PPCDC: variants seen among roughly 807,000 people sequenced by gnomAD.
The protein encoded by PPCDC is phosphopantothenoylcysteine decarboxylase.
PPCDC carries 20 observed loss-of-function variants against 20.7 expected under a neutral mutation model. The observed-to-expected ratio is 0.97, with a 90% CI of 0.68 to 1.41. PPCDC has a LOEUF of 1.41. PPCDC is among the 40% of genes most tolerant of loss of function. The pLI is 0.00. For synonymous variants in PPCDC, 88 were observed against 100.3 expected, an observed-to-expected ratio of 0.88 and a Z score of 0.73; for missense variants, 246 against 263.8, an observed-to-expected ratio of 0.93 and a Z score of 0.47.
chr15:75,032,733 C>CAA (rs530128059), intron 2 of PPCDC, among the ~76,000 whole-genome samples: 4 of 137,064 alleles, frequency 2.9e-5, no homozygotes, highest in South Asian at 2.7e-4. Context: ...GACCCCCCCC[C>CAA]CCAAGGCCAA....
intron 3 of PPCDC, 116 bp downstream of exon 3, chr15:75,043,652 T>A: frequency 1.1e-6 from 1 of 918,704 alleles, no homozygotes. Context: ...CTCAAGTCTG[T>A]GGTCAGGGCC....
rs899005945 is a variant in PPCDC, at chr15:75,049,379, C to T, written c.*144C>T. 4.2e-5 allele frequency: 32 copies of T among 756,924 alleles called. No homozygotes were observed. The highest frequency in any genetic ancestry group is 5.4e-5 in the Non-Finnish European group (25 of 462,610). The allele number at this position is 756,924 out of a possible 1,614,324, so 46.9% of individuals were successfully genotyped here. ...TGAGCCTGCCCAGGGGCCAGGCCTG[C>T]TCCAGGTTAAACTGGACGGAAGGCC... On this transcript the variant is annotated 3_prime_UTR_variant, in exon 6 of 6. Coordinates refer to ENST00000342932, the MANE Select transcript of PPCDC (RefSeq NM_021823.5).
rs965881916 is a variant in PPCDC at position 75,035,073 on chromosome 15, C to T, written c.135+6620C>T. Among the ~76,000 whole-genome samples, 3 of 152,136 alleles carry T rather than the reference C, an allele frequency of 2.0e-5. No homozygotes were observed. In the East Asian group the frequency reaches 5.8e-4, roughly 29 times the overall value. On this transcript the variant is annotated intron_variant, in intron 2 of 5. Coordinates refer to ENST00000342932, the MANE Select transcript of PPCDC (RefSeq NM_021823.5). ...TTCAGTTCTTCAGTCACAGCAGTCACACCTCAGATGCTCAGTGGCCACATG... is the reference window on the plus strand; with the variant it reads ...TTCAGTTCTTCAGTCACAGCAGTCATACCTCAGATGCTCAGTGGCCACATG...
At chr15:75,047,885 G>A (rs1463909169) in intron 4 of PPCDC, among the ~76,000 whole-genome samples, 1 of 152,208 alleles carries the variant, frequency 6.6e-6, no homozygotes, top group Admixed American at 6.5e-5. Context: ...GAGCTGGATG[G>A]CTCCTTTCAC....
chr15:75,024,798 CAG>C (rs906741575), intron 1 of PPCDC, among the ~76,000 whole-genome samples: 1 of 151,842 alleles, frequency 6.6e-6, no homozygotes, highest in African/African-American at 2.4e-5. Flanking sequence ...CTCAGCCTCC[CAG>C]GTAGCTGGGA....
chr15:75,050,540 G>T lies in PPCDC; in HGVS notation c.*1305G>T, dbSNP rs2066302212. ...TCTGGCTTCCAGGCCAGGTGTGAGG[G>T]ACATCCCATGTGGGCTCTGAGAGCA... On this transcript the variant is annotated 3_prime_UTR_variant, in exon 6 of 6. Coordinates refer to ENST00000342932, the MANE Select transcript of PPCDC (RefSeq NM_021823.5). 6.6e-6 allele frequency: 1 copy of T among 152,336 alleles called. No homozygotes were observed. The allele number at this position is 152,336 out of a possible 1,614,324, so 9.4% of individuals were successfully genotyped here.
At chr15:75,047,449 C>G (rs943247809) in intron 4 of PPCDC, among the ~76,000 whole-genome samples, 2 of 152,210 alleles carry the variant, frequency 1.3e-5, no homozygotes, top group East Asian at 3.8e-4. Context: ...GTTCTCTGGA[C>G]TCCTTCGCTC....
chr15:75,042,854 C>A (rs2066169697), intron 2 of PPCDC, among the ~76,000 whole-genome samples: 1 of 152,108 alleles, frequency 6.6e-6, no homozygotes, highest in South Asian at 2.1e-4. Flanking sequence ...GTGTAGGGCA[C>A]ACACAGGCTG....
chr15:75,023,913 T>C (rs1304092245), intron 1 of PPCDC, among the ~76,000 whole-genome samples: 1 of 152,194 alleles, frequency 6.6e-6, no homozygotes, highest in Non-Finnish European at 1.5e-5. Flanking sequence ...TTTGTGCTGC[T>C]CTGCGATTAT....
At chr15:75,039,397 C>A (rs556863521) in intron 2 of PPCDC, among the ~76,000 whole-genome samples, 1 of 152,334 alleles carries the variant, frequency 6.6e-6, no homozygotes, top group South Asian at 2.1e-4. Flanking sequence ...TAGATACTCA[C>A]TTCTGCTCCA....
In PPCDC at chr15:75,043,515, C is replaced by T. The variant is rs371440525; in HGVS notation, c.210C>T (p.Tyr70=). ...CCCAGGACATTCCTGTCACCCTCTA[C>T]AGCGACGCTGATGAATGGGAGGTCA... The part of the protein sequence containing the change: ...YSPQDIPVTL[Y]SDADEWEIWK... Residue 70 remains tyrosine, a synonymous_variant, in exon 3 of 6, where the codon TAC becomes TAT. Coordinates refer to ENST00000342932, the MANE Select transcript of PPCDC (RefSeq NM_021823.5). The T allele has an allele frequency of 8.1e-6, 13 of 1,611,174 alleles. No homozygotes were observed. The African/African-American group carries it at 9.3e-5, about 12-fold the overall frequency.
chr15:75,034,778 G>C (rs985155467), intron 2 of PPCDC, among the ~76,000 whole-genome samples: 3 of 152,104 alleles, frequency 2.0e-5, no homozygotes, highest in Non-Finnish European at 4.4e-5. Flanking sequence ...GATTAAGTGC[G>C]GGGCTACCAC....
intron 2 of PPCDC, among the ~76,000 whole-genome samples, chr15:75,038,746 T>G (rs188273282): frequency 6.6e-6 from 1 of 152,268 alleles, no homozygotes. Context: ...TAATTTAATT[T>G]TTTTTTTGTA....
intron 4 of PPCDC, 105 bp from the exon 5 acceptor site, chr15:75,048,448 T>G (rs1449444486): frequency 1.4e-6 from 2 of 1,456,104 alleles, no homozygotes; most frequent in Non-Finnish European, 1.8e-6. Flanking sequence ...CTGTGCCCAG[T>G]CATCTCAAGC....
intron 3 of PPCDC, among the ~76,000 whole-genome samples, chr15:75,043,896 C>G (rs779615350): frequency 6.6e-6 from 1 of 152,216 alleles, no homozygotes; most frequent in Admixed American, 6.5e-5. Flanking sequence ...CCGCCGGGCT[C>G]TGCTGCATCT....
At chr15:75,027,734 C>G (rs1450976944) in intron 1 of PPCDC, among the ~76,000 whole-genome samples, 1 of 152,154 alleles carries the variant, frequency 6.6e-6, no homozygotes, top group Admixed American at 6.5e-5. Context: ...AACCAAAACT[C>G]CTCACCCTGG....
At chr15:75,033,752 C>T (rs1302823892) in intron 2 of PPCDC, among the ~76,000 whole-genome samples, 4 of 151,958 alleles carry the variant, frequency 2.6e-5, no homozygotes, top group Non-Finnish European at 5.9e-5. Flanking sequence ...TTGGCTGGCC[C>T]CTTCCTCCTC....
At chr15:75,035,397 A>G (rs761308153) in intron 2 of PPCDC, among the ~76,000 whole-genome samples, 2 of 152,158 alleles carry the variant, frequency 1.3e-5, no homozygotes, top group African/African-American at 4.8e-5. Flanking sequence ...AGTTCCTTTG[A>G]TAATCTGCCC....
chr15:75,030,585 C>T (rs978417835), intron 2 of PPCDC, among the ~76,000 whole-genome samples: 3 of 152,144 alleles, frequency 2.0e-5, no homozygotes, highest in Admixed American at 1.3e-4. Context: ...CCAGTGGTGG[C>T]GTCTATCCCT....
Sources: gnomAD v4.1 joint callset for allele counts (sites outside exome capture counted in the v4.1 genomes callset) on GRCh38, gnomAD v4.1.1 for gene constraint, MANE v1.5 for transcripts, NCBI Gene and HGNC (gene_info 2026-07-23, HGNC 2026-07-21) for gene names.